SOX5: variants seen among roughly 807,000 people sequenced by gnomAD.
SOX5 encodes the protein SRY-box transcription factor 5.
A neutral mutation model predicts 92.0 loss-of-function variants in SOX5; 9 were observed. The observed-to-expected ratio is 0.10, with a 90% confidence interval of 0.06 to 0.17. The LOEUF is 0.17. Ranked by LOEUF, SOX5 falls within the 10% of genes least tolerant of loss-of-function variation. SOX5 has a pLI of 1.00. For missense variants in SOX5, 642 were observed against 944.5 expected (o/e 0.68, Z 4.20); for synonymous variants, 344 against 336.3 (o/e 1.02, Z -0.25).
intron 4 of SOX5, among the ~76,000 whole-genome samples, chr12:24,109,723 A>T (rs746005439): frequency 2.6e-4 from 40 of 152,346 alleles, no homozygotes; most frequent in Admixed American, 8.5e-4. Flanking sequence ...TTAAACAACA[A>T]CAATGAAAAT....
intron 1 of SOX5, among the ~76,000 whole-genome samples, chr12:24,451,875 C>T (rs12582243): frequency 0.23 from 35,354 of 152,040 alleles, 4,948 homozygotes; most frequent in East Asian, 0.67. Context: ...ATTATAGATG[C>T]CATTAGAAAA....
intron 2 of SOX5, among the ~76,000 whole-genome samples, chr12:23,873,633 T>C (rs1185627940): frequency 1.3e-5 from 2 of 152,362 alleles, no homozygotes; most frequent in Middle Eastern, 3.4e-3. Flanking sequence ...TTCTTTTTCA[T>C]ATACACTAAA....
intron 2 of SOX5, among the ~76,000 whole-genome samples, chr12:24,283,994 G>C (rs143032916): frequency 1.3e-5 from 2 of 152,294 alleles, no homozygotes; most frequent in African/African-American, 2.4e-5. Context: ...AAGTGAACAG[G>C]AAGTATGTAA....
At chr12:24,042,746 T>C (rs1956642618) in intron 4 of SOX5, among the ~76,000 whole-genome samples, 1 of 152,146 alleles carries the variant, frequency 6.6e-6, no homozygotes, top group South Asian at 2.1e-4. Flanking sequence ...ATATAAAGGA[T>C]GCTAAAGAAA....
intron 11 of SOX5, among the ~76,000 whole-genome samples, chr12:23,547,584 A>G (rs1433424517): frequency 6.6e-6 from 1 of 152,126 alleles, no homozygotes; most frequent in African/African-American, 2.4e-5. Flanking sequence ...CTTTATCTCA[A>G]TGAAGTCTCT....
chr12:24,459,613 G>A (rs935509545), intron 1 of SOX5, among the ~76,000 whole-genome samples: 2 of 152,094 alleles, frequency 1.3e-5, no homozygotes, highest in Non-Finnish European at 2.9e-5. Flanking sequence ...AAGAATCAGG[G>A]AAGGGAATAA....
intron 6 of SOX5, among the ~76,000 whole-genome samples, chr12:23,667,752 C>G (rs1291548427): frequency 6.6e-6 from 1 of 152,134 alleles, no homozygotes; most frequent in East Asian, 1.9e-4. Context: ...AACCTAATTT[C>G]ACAGTCCCAG....
At chr12:24,401,065 CT>C (rs1452294943) in intron 1 of SOX5, among the ~76,000 whole-genome samples, 1 of 152,128 alleles carries the variant, frequency 6.6e-6, no homozygotes, top group Non-Finnish European at 1.5e-5. Context: ...AAAAAATGCA[CT>C]TTGTTGGCCA....
intron 6 of SOX5, among the ~76,000 whole-genome samples, chr12:23,672,851 G>T (rs927338163): frequency 6.6e-6 from 1 of 152,014 alleles, no homozygotes; most frequent in Non-Finnish European, 1.5e-5. Flanking sequence ...CATTCTTAAT[G>T]CTATGCAGGT....
chr12:23,598,387 C>CT (rs201719026), intron 9 of SOX5, among the ~76,000 whole-genome samples: 4,595 of 94,838 alleles, frequency 0.048, 627 homozygotes, highest in East Asian at 0.097. Flanking sequence ...TGTGCTTTAT[C>CT]TTTTTTTTTT....
intron 4 of SOX5, among the ~76,000 whole-genome samples, chr12:24,116,736 T>C (rs1948045385): frequency 6.6e-6 from 1 of 152,156 alleles, no homozygotes; most frequent in Non-Finnish European, 1.5e-5. Context: ...ATGCTTGTGT[T>C]TGAGAAATGC....
intron 9 of SOX5, among the ~76,000 whole-genome samples, chr12:23,580,508 G>A (rs10842183): frequency 0.78 from 118,486 of 151,754 alleles, 47,266 homozygotes; most frequent in East Asian, 0.9. Flanking sequence ...TTCCTTTAAT[G>A]CTAAAGAGTG....
At chr12:24,323,709 G>T (rs1950417631) in intron 2 of SOX5, among the ~76,000 whole-genome samples, 1 of 151,914 alleles carries the variant, frequency 6.6e-6, no homozygotes, top group South Asian at 2.1e-4. Context: ...TTGAATAGTG[G>T]GTAAAAAGGC....
intron 1 of SOX5, among the ~76,000 whole-genome samples, chr12:24,537,712 A>G (rs940660591): frequency 6.6e-6 from 1 of 152,188 alleles, no homozygotes; most frequent in South Asian, 2.1e-4. Context: ...CTCCATTCAA[A>G]TACTCAACGC....
At chr12:23,586,146 A>G (rs960912331) in intron 9 of SOX5, among the ~76,000 whole-genome samples, 2 of 152,028 alleles carry the variant, frequency 1.3e-5, no homozygotes, top group African/African-American at 4.8e-5. Context: ...CTCCGTGTGT[A>G]TGTGTCTGCA....
At chr12:23,886,025 T>G (rs1200735547) in intron 2 of SOX5, among the ~76,000 whole-genome samples, 1 of 152,170 alleles carries the variant, frequency 6.6e-6, no homozygotes, top group Non-Finnish European at 1.5e-5. Context: ...CACTGAATGC[T>G]TTTAATTTAC....
chr12:23,896,194 C>T (rs754660349), intron 1 of SOX5, among the ~76,000 whole-genome samples, 170 bp from the exon 2 acceptor site: 1 of 152,176 alleles, frequency 6.6e-6, no homozygotes, highest in Admixed American at 6.5e-5. Flanking sequence ...AATGGCCAAG[C>T]AGGTAGCAAC....
chr12:23,664,216 C>A (rs1249981312), intron 7 of SOX5, among the ~76,000 whole-genome samples: 1 of 151,790 alleles, frequency 6.6e-6, no homozygotes, highest in African/African-American at 2.4e-5. Flanking sequence ...AAAACATCAC[C>A]TAAAAGAAAA....
chr12:24,195,676 C>T (rs1236687502), intron 4 of SOX5, among the ~76,000 whole-genome samples: 1 of 152,096 alleles, frequency 6.6e-6, no homozygotes, highest in Non-Finnish European at 1.5e-5. Flanking sequence ...CTGATTCCCC[C>T]CGCTCTTATG....
Sources: gnomAD v4.1 joint callset for allele counts (sites outside exome capture counted in the v4.1 genomes callset) on GRCh38, gnomAD v4.1.1 for gene constraint, MANE v1.5 for transcripts, NCBI Gene and HGNC (gene_info 2026-07-23, HGNC 2026-07-21) for gene names.